ATP9B: variants seen among roughly 807,000 people sequenced by gnomAD.
The protein encoded by ATP9B is ATPase phospholipid transporting 9B, also known as probable phospholipid-transporting ATPase IIB.
Under a neutral mutation model 146.1 loss-of-function variants are expected in ATP9B, and 110 were observed. The observed-to-expected ratio is 0.75, with a 90% CI of 0.65 to 0.88. The LOEUF is 0.88. Ranked by LOEUF, ATP9B falls within the 40% of genes least tolerant of loss-of-function variation. The probability of loss-of-function intolerance (pLI) is 0.00; values close to 1 mark genes in which losing one functional copy is unlikely to be tolerated. For synonymous variants in ATP9B, 604 were observed against 569.7 expected (o/e 1.06, Z -0.86); for missense variants, 1,499 against 1,496.4 (o/e 1.00, Z -0.03).
chr18:79,187,501 A>C (rs1013897434), intron 8 of ATP9B, among the ~76,000 whole-genome samples: 4 of 152,200 alleles, frequency 2.6e-5, no homozygotes, highest in Admixed American at 2.6e-4. Context: ...TGAGAAATGC[A>C]TTCTTTAAGT....
intron 15 of ATP9B, 135 bp from the exon 16 acceptor site, chr18:79,329,006 C>T (rs1413094323): frequency 1.5e-5 from 14 of 916,904 alleles, no homozygotes; most frequent in Non-Finnish European, 2.1e-5. Context: ...GCCGTGAAAA[C>T]AAAAAGTTCT....
intron 14 of ATP9B, among the ~76,000 whole-genome samples, chr18:79,305,905 T>C (rs561581922): frequency 3.3e-5 from 5 of 152,344 alleles, no homozygotes; most frequent in African/African-American, 4.8e-5. Flanking sequence ...ATTTCCCCAC[T>C]GGAGGCATTT....
At chr18:79,114,328 G>C (rs986534247) in intron 4 of ATP9B, among the ~76,000 whole-genome samples, 1 of 152,162 alleles carries the variant, frequency 6.6e-6, no homozygotes, top group Non-Finnish European at 1.5e-5. Flanking sequence ...AGGAAACACA[G>C]AGAGTGAAAG....
intron 12 of ATP9B, among the ~76,000 whole-genome samples, chr18:79,263,421 G>A (rs558770912): frequency 2.0e-5 from 3 of 152,354 alleles, no homozygotes; most frequent in South Asian, 2.1e-4. Context: ...CTCAGATACG[G>A]AGGGTTGACT....
intron 11 of ATP9B, among the ~76,000 whole-genome samples, chr18:79,234,527 G>T (rs1289664754): frequency 6.6e-6 from 1 of 152,234 alleles, no homozygotes; most frequent in Non-Finnish European, 1.5e-5. Context: ...TCCACGGCCA[G>T]CTCCGCCACT....
chr18:79,227,882 A>G (rs932365657), intron 11 of ATP9B, among the ~76,000 whole-genome samples: 2 of 152,236 alleles, frequency 1.3e-5, no homozygotes, highest in African/African-American at 4.8e-5. Context: ...CACTGTGTTG[A>G]GAAAGCAGGA....
chr18:79,141,438 A>G (rs985067494), intron 5 of ATP9B, among the ~76,000 whole-genome samples: 1 of 152,216 alleles, frequency 6.6e-6, no homozygotes, highest in Admixed American at 6.5e-5. Context: ...TTAAAAAACA[A>G]AAAGCTGATA....
intron 2 of ATP9B, among the ~76,000 whole-genome samples, chr18:79,109,041 C>T (rs557219179): frequency 3.3e-5 from 5 of 152,304 alleles, no homozygotes; most frequent in Middle Eastern, 3.4e-3. Flanking sequence ...GATGTGTCAG[C>T]CTCATTTTGT....
chr18:79,200,227 T>G (rs1267804195), intron 9 of ATP9B, among the ~76,000 whole-genome samples: 1 of 152,210 alleles, frequency 6.6e-6, no homozygotes, highest in Non-Finnish European at 1.5e-5. Context: ...TCATCTCTGT[T>G]ATACTTTGAT....
At position 79,377,795 on chromosome 18, in the gene ATP9B, G is replaced by T; in HGVS notation, c.*412G>T. ...TGCTAGGCAAGCCCAGGGCACAGAT[G>T]CCGGGATGGCCCCTCCCTCTCAGTG... On this transcript the variant is annotated 3_prime_UTR_variant, in exon 30 of 30. Transcript: ENST00000426216. 5.5e-6 allele frequency: 1 copy of T among 180,576 alleles called. No homozygotes were observed. Among genetic ancestry groups the T allele is most frequent in the Non-Finnish European group, 1.2e-5 (1 of 85,398 alleles). 11.2% of individuals were successfully genotyped at this position (180,576 alleles called of 1,614,324 possible). A position where few individuals can be genotyped will look rare whatever the true frequency, so the allele number is the denominator to read the frequency against.
intron 13 of ATP9B, among the ~76,000 whole-genome samples, chr18:79,280,684 CAT>C (rs111568325): frequency 1.3e-5 from 2 of 152,106 alleles, no homozygotes; most frequent in East Asian, 1.9e-4. Flanking sequence ...ACTAGAAACA[CAT>C]GTGCTTATCA....
rs114780191 is a variant in ATP9B, at chr18:79,297,548, T to C, written c.1412-6056T>C. ...TATATCTACTTTTTAGTGAGACAAA[T>C]GGGATGTGGAATTCCATGACTGTCT... On this transcript the variant is annotated intron_variant, in intron 13 of 29. Coordinates refer to ENST00000426216, the MANE Select transcript of ATP9B (RefSeq NM_198531.5). Among the ~76,000 whole-genome samples, 1,519 of 152,320 alleles carry C rather than the reference T, an allele frequency of 1.0e-2. 19 individuals carry two copies. Among genetic ancestry groups the C allele is most frequent in the African/African-American group, 0.034 (1,430 of 41,556 alleles).
chr18:79,306,280 G>A (rs1049262611), intron 14 of ATP9B, among the ~76,000 whole-genome samples: 5 of 152,170 alleles, frequency 3.3e-5, no homozygotes, highest in Non-Finnish European at 4.4e-5. Context: ...GACACCCTCC[G>A]CCACGTAGGA....
chr18:79,273,785 C>G (rs1271994961), intron 12 of ATP9B, among the ~76,000 whole-genome samples: 1 of 152,214 alleles, frequency 6.6e-6, no homozygotes, highest in South Asian at 2.1e-4. Context: ...TCCTCAGACA[C>G]TTTTGTAGCT....
At position 79,069,469 on chromosome 18, in the gene ATP9B, G is replaced by C; in HGVS notation, c.59G>C (p.Arg20Pro). The stretch of plus-strand genomic sequence containing the variant: ...AGCGCAGCGGCGGCCGCAGCCAACC[G>C]CAAACGCGCGGCCTACTACAGCGCC... ...VRSAAAAAANRKRAAYYSAAG... is the reference protein window; with the variant it reads ...VRSAAAAAANPKRAAYYSAAG... Residue 20 changes from arginine (R) to proline (P), a missense_variant, in exon 1 of 30, where the codon CGC becomes CCC. By Grantham distance (103) the Arg-to-Pro change is moderately radical (BLOSUM62 -2). Coordinates refer to ENST00000426216, the MANE Select transcript of ATP9B (RefSeq NM_198531.5). The C allele has an allele frequency of 6.6e-7, 1 of 1,504,322 alleles. No individual in the cohort carries two copies. The highest frequency in any genetic ancestry group is 8.9e-7 in the Non-Finnish European group (1 of 1,129,368). 93.2% of individuals were successfully genotyped at this position (1,504,322 alleles called of 1,614,324 possible). A position where few individuals can be genotyped will look rare whatever the true frequency, so the allele number is the denominator to read the frequency against.
rs1304879263 is a variant in ATP9B, at chr18:79,118,384, G to GTTTTTTTTTTTT, written c.558+5035_558+5036insTTTTTTTTTTTT. On this transcript the variant is annotated intron_variant, in intron 4 of 29. Coordinates refer to ENST00000426216, the MANE Select transcript of ATP9B (RefSeq NM_198531.5). Reference sequence around the variant, plus strand: ...ATTTTAAAACACAATCATATTGAACGTTTTTGTTTTTTTTTTTTTTTTTTT... The same window carrying GTTTTTTTTTTTT: ...ATTTTAAAACACAATCATATTGAACGTTTTTTTTTTTTTTTTTGTTTTTTTTTTTTTTTTTTT... Among the ~76,000 whole-genome samples the GTTTTTTTTTTTT allele has an allele frequency of 3.4e-4, 25 of 73,488 alleles. 2 individuals carry two copies. Among genetic ancestry groups the GTTTTTTTTTTTT allele is most frequent in the African/African-American group, 1.2e-3 (22 of 18,674 alleles). The allele number at this position is 73,488 out of a possible 152,430, so 48.2% of individuals were successfully genotyped here.
chr18:79,081,048 G>A (rs1313723327), intron 1 of ATP9B, among the ~76,000 whole-genome samples: 2 of 152,140 alleles, frequency 1.3e-5, no homozygotes, highest in Non-Finnish European at 2.9e-5. Context: ...TTTTCACATT[G>A]ATGTTCATCA....
intron 1 of ATP9B, among the ~76,000 whole-genome samples, chr18:79,083,121 G>C (rs146242611): frequency 5.6e-4 from 85 of 152,312 alleles, no homozygotes; most frequent in Non-Finnish European, 1.1e-3. Context: ...GAGGAATCTA[G>C]AGAGGCAGTC....
intron 26 of ATP9B, among the ~76,000 whole-genome samples, chr18:79,368,756 C>A (rs571485518): frequency 6.6e-6 from 1 of 152,020 alleles, no homozygotes; most frequent in Non-Finnish European, 1.5e-5. Flanking sequence ...GAAGAGCTGT[C>A]GGGAACGTCA....
Sources: allele counts gnomAD v4.1 joint callset (sites outside exome capture counted in the v4.1 genomes callset), GRCh38; gene constraint gnomAD v4.1.1; transcripts MANE v1.5; gene names NCBI Gene and HGNC (gene_info 2026-07-23, HGNC 2026-07-21).